CAMK2B: variants seen among roughly 807,000 people sequenced by gnomAD.
CAMK2B encodes calcium/calmodulin-dependent protein kinase type II subunit beta.
CAMK2B carries 27 observed loss-of-function variants against 93.7 expected under a neutral mutation model. The observed-to-expected ratio is 0.29, with a 90% CI of 0.21 to 0.40. CAMK2B has a LOEUF of 0.40. Among genes scored for constraint, CAMK2B ranks in the 10% least tolerant of loss-of-function variants. CAMK2B has a pLI of 1.00. For synonymous variants in CAMK2B, 374 were observed against 358.8 expected (o/e 1.04, Z -0.48); for missense variants, 568 against 895.8 (o/e 0.63, Z 4.67).
At chr7:44,298,237 T>C (rs887992845) in intron 1 of CAMK2B, among the ~76,000 whole-genome samples, 4 of 152,082 alleles carry the variant, frequency 2.6e-5, no homozygotes, top group Admixed American at 6.6e-5. Flanking sequence ...CAGAAATAAA[T>C]TCTCCCATAT....
At chr7:44,292,940 G>A (rs1403501328) in intron 1 of CAMK2B, among the ~76,000 whole-genome samples, 1 of 152,154 alleles carries the variant, frequency 6.6e-6, no homozygotes, top group Non-Finnish European at 1.5e-5. Context: ...CAAACTTGAC[G>A]GCTCCAGCCC....
chr7:44,293,736 G>A lies in CAMK2B; in HGVS notation c.66-9511C>T, dbSNP rs536764227. Among the ~76,000 whole-genome samples the A allele has an allele frequency of 5.4e-4, 82 of 152,358 alleles. 1 individual carries two copies. Among genetic ancestry groups the A allele is most frequent in the Admixed American group, 4.8e-3 (73 of 15,310 alleles). On this transcript the variant is annotated intron_variant, in intron 1 of 23. Coordinates refer to ENST00000395749, the MANE Select transcript of CAMK2B (RefSeq NM_001220.5). ...ATCTGACACCTCCGCTGATCTGACA[G>A]GAGGCGGAGCTCAGGCTGTAATGCT...
At chr7:44,253,586 C>T (rs998705374) in intron 5 of CAMK2B, among the ~76,000 whole-genome samples, 8 of 151,862 alleles carry the variant, frequency 5.3e-5, no homozygotes, top group African/African-American at 7.3e-5. Flanking sequence ...CGAGGTCCTC[C>T]GTTAGCCTTA....
intron 1 of CAMK2B, among the ~76,000 whole-genome samples, chr7:44,316,140 A>G (rs1794782103): frequency 6.6e-6 from 1 of 152,186 alleles, no homozygotes; most frequent in Non-Finnish European, 1.5e-5. Flanking sequence ...CCACCATTAA[A>G]TATGAGGTTA....
chr7:44,220,099 A>T lies in CAMK2B; in HGVS notation c.1964T>A (p.Phe655Tyr). 1 of 1,608,858 alleles carries T rather than the reference A, an allele frequency of 6.2e-7. No homozygotes were observed. The highest frequency in any genetic ancestry group is 8.5e-7 in the Non-Finnish European group (1 of 1,179,032). ...GGCCACAGGCGCGCCCGAGCAGTGG[A>T]AGTGCACGTTCTGCCACTTGCCGTC... The part of the protein sequence containing the change: ...RRDGKWQNVH[F>Y]HCSGAPVAPL... Residue 655 changes from phenylalanine to tyrosine, a missense_variant, in exon 23 of 24, where the codon TTC becomes TAC. Coordinates refer to ENST00000395749, the MANE Select transcript of CAMK2B (RefSeq NM_001220.5).
At position 44,230,898 on chromosome 7, in the gene CAMK2B, T is replaced by C; in HGVS notation, c.1225+108A>G. ...GTCCCTGAGCCCCTCAACACATGCATAAACTAGGCGTCGCAGGAGAGTTGA... is the reference window on the plus strand; with the variant it reads ...GTCCCTGAGCCCCTCAACACATGCACAAACTAGGCGTCGCAGGAGAGTTGA... On this transcript the variant is annotated intron_variant, in intron 17 of 23. Transcript: ENST00000395749. 3.2e-6 allele frequency: 3 copies of C among 934,732 alleles called. No individual in the cohort carries two copies. The South Asian group carries it at 4.8e-5, about 15-fold the overall frequency. The allele number at this position is 934,732 out of a possible 1,614,324, so 57.9% of individuals were successfully genotyped here.
chr7:44,263,639 G>A lies in CAMK2B; in HGVS notation c.161-575C>T, dbSNP rs564244740. 1.2e-3 allele frequency among the ~76,000 whole-genome samples: 186 copies of A among 152,286 alleles called. 3 individuals are homozygous for A. The highest frequency in any genetic ancestry group is 2.7e-3 in the East Asian group (14 of 5,164). On this transcript the variant is annotated intron_variant, in intron 2 of 23. Coordinates refer to ENST00000395749, the MANE Select transcript of CAMK2B (RefSeq NM_001220.5). ...TGCGGGGCCCAGATCCCCGGACACC[G>A]GAGGCGTGGAGGTGACTGGTGCCCC... is the stretch of plus-strand genomic sequence containing the variant.
intron 1 of CAMK2B, among the ~76,000 whole-genome samples, chr7:44,310,594 A>T (rs930929881): frequency 2.6e-5 from 4 of 152,274 alleles, no homozygotes. Context: ...ATAGATGAGC[A>T]AAATGCACAC....
In CAMK2B at chr7:44,312,769, T is replaced by C. The variant is rs539809503; in HGVS notation, c.65+12588A>G. 5.3e-4 allele frequency among the ~76,000 whole-genome samples: 81 copies of C among 152,234 alleles called. No homozygotes were observed. The highest frequency in any genetic ancestry group is 9.0e-4 in the Non-Finnish European group (61 of 68,008). ...TGTGGACAATTGGTCAAGATAAGAA[T>C]TTGTGAATGTCAATCAGAGAATAAA... On this transcript the variant is annotated intron_variant, in intron 1 of 23. Coordinates refer to ENST00000395749, the MANE Select transcript of CAMK2B (RefSeq NM_001220.5). This position sits in a 1 kb window ranked among gnomAD's most constrained non-coding sequence, Gnocchi z 4.1.
chr7:44,296,940 GAC>G (rs1563058767), intron 1 of CAMK2B, among the ~76,000 whole-genome samples: 1 of 152,122 alleles, frequency 6.6e-6, no homozygotes, highest in Non-Finnish European at 1.5e-5. Context: ...GAAGGAAAAT[GAC>G]ATAGTTCAGA....
At chr7:44,226,343 A>C (rs1487563281) in intron 20 of CAMK2B, among the ~76,000 whole-genome samples, 173 bp downstream of exon 20, 1 of 152,190 alleles carries the variant, frequency 6.6e-6, no homozygotes, top group Non-Finnish European at 1.5e-5. Flanking sequence ...CCATTTTCTG[A>C]GACCCAGTGG....
intron 20 of CAMK2B, 120 bp downstream of exon 20, chr7:44,226,396 G>A (rs1307658214): frequency 2.5e-6 from 2 of 798,554 alleles, no homozygotes; most frequent in African/African-American, 1.8e-5. Flanking sequence ...ACCCAGCAGA[G>A]GGATCCTGTG....
At position 44,225,791 on chromosome 7, in the gene CAMK2B, G is replaced by T; in HGVS notation, c.1597+725C>A. ...GCCACTGCCCTGCCATGCCGAGCCC[G>T]TGGCCCAGCAGCCTCTTCTCTAAGA... On this transcript the variant is annotated intron_variant, in intron 20 of 23. Coordinates refer to ENST00000395749, the MANE Select transcript of CAMK2B (RefSeq NM_001220.5). The surrounding 1 kb of genome is among the most constrained non-coding windows in gnomAD (Gnocchi z 5.0). The T allele has an allele frequency of 7.8e-7, 1 of 1,289,470 alleles. No individual in the cohort carries two copies. Among genetic ancestry groups the T allele is most frequent in the East Asian group, 5.6e-5 (1 of 18,010 alleles). The allele number at this position is 1,289,470 out of a possible 1,614,324, so 79.9% of individuals were successfully genotyped here.
chr7:44,304,178 A>G (rs1247623636), intron 1 of CAMK2B, among the ~76,000 whole-genome samples: 1 of 152,192 alleles, frequency 6.6e-6, no homozygotes, highest in Non-Finnish European at 1.5e-5. Context: ...TTTGGAAGAG[A>G]GTATGGTAGT....
intron 1 of CAMK2B, among the ~76,000 whole-genome samples, chr7:44,304,582 G>A (rs1203438428): frequency 6.6e-6 from 1 of 152,226 alleles, no homozygotes. Context: ...ACCAGTGACT[G>A]GCAGGGGTTG....
In CAMK2B at chr7:44,263,075, G is replaced by A; in HGVS notation, c.161-11C>T. The stretch of plus-strand genomic sequence containing the variant: ...CCAGCTTCTGGTGATCTGGGGGACA[G>A]GAAAAACAAGGCGTCACCTCCTGCG... On this transcript the variant is annotated splice_polypyrimidine_tract_variant and intron_variant, in intron 2 of 23. Coordinates refer to ENST00000395749, the MANE Select transcript of CAMK2B (RefSeq NM_001220.5). 6.2e-7 allele frequency: 1 copy of A among 1,613,040 alleles called. No homozygotes were observed. Among genetic ancestry groups the A allele is most frequent in the Non-Finnish European group, 8.5e-7 (1 of 1,179,438 alleles).
intron 11 of CAMK2B, 69 bp downstream of exon 11, chr7:44,241,631 C>T: frequency 2.4e-6 from 3 of 1,273,778 alleles, no homozygotes; most frequent in Non-Finnish European, 3.4e-6. Flanking sequence ...CCCCCAAGGC[C>T]CCCCTGCTCC....
In CAMK2B at chr7:44,248,620, A is replaced by G. The variant is rs1042967503; in HGVS notation, c.342-1428T>C. 6.6e-6 allele frequency among the ~76,000 whole-genome samples: 1 copy of G among 152,220 alleles called. No homozygotes were observed. The highest frequency in any genetic ancestry group is 2.4e-5 in the African/African-American group (1 of 41,462). On this transcript the variant is annotated intron_variant, in intron 5 of 23. Coordinates refer to ENST00000395749, the MANE Select transcript of CAMK2B (RefSeq NM_001220.5). The surrounding 1 kb of genome is among the most constrained non-coding windows in gnomAD (Gnocchi z 4.1). ...CTATCCCAGCCAGATCCTTGGGGAC[A>G]GGAGGGTGACCAGGGTCAGCAAGAT...
intron 13 of CAMK2B, among the ~76,000 whole-genome samples, chr7:44,237,159 G>A (rs1490475920): frequency 6.6e-6 from 1 of 152,196 alleles, no homozygotes; most frequent in African/African-American, 2.4e-5. Context: ...CTCTTTCCCC[G>A]GGCATGTCCT....
Sources: allele counts gnomAD v4.1 joint callset (sites outside exome capture counted in the v4.1 genomes callset), GRCh38; gene constraint gnomAD v4.1.1; non-coding constraint Gnocchi (gnomAD v3.1); transcripts MANE v1.5; gene names NCBI Gene and HGNC (gene_info 2026-07-23, HGNC 2026-07-21).